Variants in POU2F2 observed in about 807,000 individuals in gnomAD.
The protein encoded by POU2F2 is POU class 2 homeobox 2, also known as POU domain, class 2, transcription factor 2.
In POU2F2, 14 loss-of-function variants were observed where a neutral mutation model predicts 63.5. The ratio of observed to expected loss-of-function variants is 0.22; its 90% CI spans 0.15 to 0.34. The LOEUF (loss-of-function observed/expected upper bound fraction) is 0.34. Among genes scored for constraint, POU2F2 ranks in the 10% least tolerant of loss-of-function variants. POU2F2 has a pLI of 1.00. For synonymous variants in POU2F2, 306 were observed against 348.6 expected (o/e 0.88, Z 1.36); for missense variants, 607 against 815.2 (o/e 0.74, Z 3.11).
intron 1 of POU2F2, among the ~76,000 whole-genome samples, chr19:42,187,893 A>G (rs1487065427): frequency 6.6e-6 from 1 of 152,020 alleles, no homozygotes; most frequent in East Asian, 1.9e-4. Context: ...GCCACCCCTA[A>G]GAGGTCCCAG....
chr19:42,180,160 C>G (rs1449015262), upstream of POU2F2, among the ~76,000 whole-genome samples: 1 of 152,184 alleles, frequency 6.6e-6, no homozygotes, highest in Non-Finnish European at 1.5e-5. Context: ...GGGACCCATA[C>G]TGTGTGGGCA....
At chr19:42,191,806 G>C (rs2035078016) in intron 1 of POU2F2, among the ~76,000 whole-genome samples, 2 of 152,178 alleles carry the variant, frequency 1.3e-5, no homozygotes, top group South Asian at 2.1e-4. Flanking sequence ...TTTTGAACTG[G>C]GTTGTGGTTA....
At chr19:42,135,175 G>A (rs964239272), upstream of POU2F2, among the ~76,000 whole-genome samples, 6 of 152,118 alleles carry the variant, frequency 3.9e-5, no homozygotes, top group African/African-American at 1.4e-4. Flanking sequence ...GCCCTCATCT[G>A]TAGGGCTGTG....
chr19:42,094,764 G>A (rs2076855121), intron 11 of POU2F2, among the ~76,000 whole-genome samples: 1 of 152,166 alleles, frequency 6.6e-6, no homozygotes, highest in Non-Finnish European at 1.5e-5. Flanking sequence ...AGTTCAGACA[G>A]TGCCTCCTTC....
intron 7 of POU2F2, among the ~76,000 whole-genome samples, chr19:42,097,358 C>G (rs781587750): frequency 3.2e-4 from 49 of 152,174 alleles, no homozygotes; most frequent in Admixed American, 4.6e-4. Context: ...CCACCACACC[C>G]GGCTAATTTT....
chr19:42,106,751 A>G (rs1284141435), intron 5 of POU2F2, among the ~76,000 whole-genome samples: 1 of 151,148 alleles, frequency 6.6e-6, no homozygotes, highest in Non-Finnish European at 1.5e-5. Context: ...CTCTACAAAA[A>G]GAAAAAAACA....
At chr19:42,103,856 A>G (rs2077236200) in intron 5 of POU2F2, among the ~76,000 whole-genome samples, 1 of 151,584 alleles carries the variant, frequency 6.6e-6, no homozygotes, top group African/African-American at 2.4e-5. Context: ...GATGGTCTCG[A>G]TCTCCTGACC....
intron 5 of POU2F2, among the ~76,000 whole-genome samples, chr19:42,115,420 G>A (rs2031716783): frequency 6.6e-6 from 1 of 152,200 alleles, no homozygotes; most frequent in South Asian, 2.1e-4. Context: ...TGGTTGGACG[G>A]AGTGAGAGAA....
chr19:42,112,706 A>G (rs1049091767), intron 5 of POU2F2, among the ~76,000 whole-genome samples: 1 of 152,116 alleles, frequency 6.6e-6, no homozygotes, highest in Non-Finnish European at 1.5e-5. Flanking sequence ...CAGGATAGCT[A>G]CAAGTCTGGA....
intron 5 of POU2F2, among the ~76,000 whole-genome samples, chr19:42,115,868 C>A (rs1398598702): frequency 6.6e-6 from 1 of 152,210 alleles, no homozygotes; most frequent in Non-Finnish European, 1.5e-5. Context: ...AAACTAATGA[C>A]TAGTGTCCCT....
At chr19:42,136,042 G>A (rs1052889299), upstream of POU2F2, among the ~76,000 whole-genome samples, 3 of 151,844 alleles carry the variant, frequency 2.0e-5, no homozygotes, top group Non-Finnish European at 4.4e-5. Flanking sequence ...CTCTAGACCC[G>A]AAGTGCCCCT....
Position 42,143,523 on chromosome 19 carries a change from G to A in POU2F2, c.-9+16809C>T, listed in dbSNP as rs557818443. On this transcript the variant is annotated intron_variant, in intron 2 of 6. Transcript: ENST00000524801. Reference sequence around the variant, plus strand: ...GTGCTCAGTAGGGAGTGCCCATCACGGCAAGCGCTCAGGAGGGCCAAGGCC... The same window carrying A: ...GTGCTCAGTAGGGAGTGCCCATCACAGCAAGCGCTCAGGAGGGCCAAGGCC... 3.9e-5 allele frequency among the ~76,000 whole-genome samples: 6 copies of A among 152,218 alleles called. No homozygotes were observed. In the South Asian group the frequency reaches 1.2e-3, roughly 32 times the overall value.
intron 4 of POU2F2, 130 bp downstream of exon 4, chr19:42,121,996 G>T: frequency 2.1e-6 from 2 of 961,694 alleles, no homozygotes; most frequent in African/African-American, 1.6e-5. Flanking sequence ...AGAGTGAGAA[G>T]GGGCGGGAGG....
intron 1 of POU2F2, among the ~76,000 whole-genome samples, chr19:42,170,149 A>AC (rs1339891937): frequency 1.3e-5 from 2 of 150,810 alleles, no homozygotes; most frequent in African/African-American, 2.4e-5. Context: ...GGGTTGTGTG[A>AC]CCCCCCTCCA....
At chr19:42,097,443 C>T (rs949269078) in intron 7 of POU2F2, among the ~76,000 whole-genome samples, 3 of 151,460 alleles carry the variant, frequency 2.0e-5, no homozygotes, top group East Asian at 3.9e-4. Flanking sequence ...GTGATCCACC[C>T]GCTTTGGCCT....
chr19:42,163,247 G>C (rs2034586295), intron 1 of POU2F2, among the ~76,000 whole-genome samples: 3 of 152,112 alleles, frequency 2.0e-5, no homozygotes, highest in Non-Finnish European at 1.5e-5. Context: ...GCTGTGTTGG[G>C]AGAGAGAGGC....
intron 2 of POU2F2, among the ~76,000 whole-genome samples, chr19:42,146,611 C>T (rs554481208): frequency 2.2e-4 from 33 of 151,932 alleles, no homozygotes; most frequent in Non-Finnish European, 3.8e-4. Context: ...GCTCCCTACA[C>T]CACCTTACTC....
At position 42,104,870 on chromosome 19, in the gene POU2F2, C is replaced by A. The variant is rs957852069; in HGVS notation, c.370-5049G>T. Reference sequence around the variant, plus strand: ...GACAGCTGAACACTATTCCCTGACCCCCTGGGGGTGCCTCTGCTTATTCCG... The same window carrying A: ...GACAGCTGAACACTATTCCCTGACCACCTGGGGGTGCCTCTGCTTATTCCG... On this transcript the variant is annotated intron_variant, in intron 5 of 14. Transcript: ENST00000692977. Among the ~76,000 whole-genome samples the A allele has an allele frequency of 4.6e-5, 7 of 152,266 alleles. No homozygotes were observed. In the East Asian group the frequency reaches 1.3e-3, roughly 29 times the overall value.
Position 42,116,894 on chromosome 19 carries a change from C to CAGCGGCGTT in POU2F2, c.369+347_369+355dup, listed in dbSNP as rs890067178. 1.4e-5 allele frequency: 7 copies of CAGCGGCGTT among 486,044 alleles called. No homozygotes were observed. In the Admixed American group the frequency reaches 1.5e-4, roughly 10 times the overall value. 30.1% of individuals were successfully genotyped at this position (486,044 alleles called of 1,614,324 possible). A position where few individuals can be genotyped will look rare whatever the true frequency, so the allele number is the denominator to read the frequency against. On this transcript the variant is annotated intron_variant, in intron 5 of 14. Coordinates refer to ENST00000692977, the MANE Select transcript of POU2F2 (RefSeq NM_001394376.1). ...GAGGCGGAGGCGGCGGCGGCGGCGG[C>CAGCGGCGTT]AGCGGCGTTAGCGGCAGCGGCGGCA...
Sources: gnomAD v4.1 joint callset for allele counts (sites outside exome capture counted in the v4.1 genomes callset) on GRCh38, gnomAD v4.1.1 for gene constraint, MANE v1.5 for transcripts, NCBI Gene and HGNC (gene_info 2026-07-23, HGNC 2026-07-21) for gene names.